Variants in DLG2 observed in about 807,000 individuals in gnomAD.
DLG2 encodes discs large MAGUK scaffold protein 2.
Under a neutral mutation model 132.5 loss-of-function variants are expected in DLG2, and 45 were observed. The observed-to-expected ratio is 0.34, with a 90% confidence interval of 0.27 to 0.44. DLG2 has a LOEUF of 0.44. DLG2 is among the 20% of genes least tolerant of loss of function. The pLI is 1.00. For synonymous variants in DLG2, 424 were observed against 419.6 expected, an observed-to-expected ratio of 1.01 and a Z score of -0.13; for missense variants, 1,045 against 1,196.9, an observed-to-expected ratio of 0.87 and a Z score of 1.87.
chr11:85,461,653 TTATCTCTAC>T (rs2092618648), intron 3 of DLG2, among the ~76,000 whole-genome samples: 1 of 152,200 alleles, frequency 6.6e-6, no homozygotes, highest in Admixed American at 6.5e-5. Flanking sequence ...TTTATCTTTA[TTATCTCTAC>T]TATCTTCACT....
intron 7 of DLG2, among the ~76,000 whole-genome samples, chr11:84,362,032 T>A (rs2098652609): frequency 6.6e-6 from 1 of 151,970 alleles, no homozygotes; most frequent in African/African-American, 2.4e-5. Context: ...ATAACATATT[T>A]AAATTTTAGC....
At chr11:84,558,059 T>C (rs1468031667) in intron 6 of DLG2, among the ~76,000 whole-genome samples, 1 of 152,200 alleles carries the variant, frequency 6.6e-6, no homozygotes, top group Non-Finnish European at 1.5e-5. Context: ...GATTTATAGA[T>C]ACATTATATG....
intron 7 of DLG2, among the ~76,000 whole-genome samples, chr11:84,271,657 C>A (rs1266721838): frequency 2.0e-5 from 3 of 152,146 alleles, no homozygotes; most frequent in Non-Finnish European, 4.4e-5. Flanking sequence ...GTGCTAGACA[C>A]TGGGAATAGA....
intron 6 of DLG2, among the ~76,000 whole-genome samples, chr11:84,656,811 GA>G (rs912166949): frequency 2.0e-5 from 3 of 151,948 alleles, no homozygotes; most frequent in Non-Finnish European, 2.9e-5. Context: ...ATAGGGAGTG[GA>G]AAAAAATGCA....
rs1379258574 is a variant in DLG2 at position 85,492,446 on chromosome 11, A to T, written c.40+106211T>A. ...GATATACCATGGTTTTCTAAAAAAA[A>T]CTGCAGTGTAAACTTTCACATTCAA... On this transcript the variant is annotated intron_variant, in intron 3 of 27. Transcript: ENST00000376104. Among the ~76,000 whole-genome samples the T allele has an allele frequency of 2.0e-5, 3 of 152,156 alleles. No homozygotes were observed. In the East Asian group the frequency reaches 5.8e-4, roughly 29 times the overall value.
intron 7 of DLG2, among the ~76,000 whole-genome samples, chr11:84,260,499 C>A (rs1389117947): frequency 6.6e-6 from 1 of 152,192 alleles, no homozygotes; most frequent in Non-Finnish European, 1.5e-5. Context: ...TATCAACCAC[C>A]AATGTCATGC....
chr11:85,349,356 C>G (rs571878222), intron 3 of DLG2, among the ~76,000 whole-genome samples: 2 of 152,132 alleles, frequency 1.3e-5, no homozygotes, highest in South Asian at 2.1e-4. Context: ...TACCTGTTAC[C>G]TCATTATTTA....
At chr11:84,009,234 T>G (rs1239799191) in intron 11 of DLG2, among the ~76,000 whole-genome samples, 1 of 151,962 alleles carries the variant, frequency 6.6e-6, no homozygotes, top group African/African-American at 2.4e-5. Context: ...TTCGAAATGT[T>G]AAGATATAAA....
In DLG2 at chr11:85,238,055, A is replaced by G. The variant is rs564243143; in HGVS notation, c.186+47165T>C. On this transcript the variant is annotated intron_variant, in intron 4 of 27. Coordinates refer to ENST00000376104, the MANE Select transcript of DLG2 (RefSeq NM_001142699.3). Reference sequence around the variant, plus strand: ...TCTTTGTGGATTTTTTTTCCAGAATAGGGCAGGTTTGTCCGCATTAAAAAC... The same window carrying G: ...TCTTTGTGGATTTTTTTTCCAGAATGGGGCAGGTTTGTCCGCATTAAAAAC... Among the ~76,000 whole-genome samples, 317 of 152,018 alleles carry G rather than the reference A, an allele frequency of 2.1e-3. 1 individual carries two copies. Among genetic ancestry groups the G allele is most frequent in the African/African-American group, 7.2e-3 (298 of 41,526 alleles).
chr11:85,304,308 G>A (rs1389754123), intron 3 of DLG2, among the ~76,000 whole-genome samples: 3 of 152,108 alleles, frequency 2.0e-5, no homozygotes, highest in African/African-American at 4.8e-5. Context: ...TGCTTGCAAG[G>A]AGCCTGCAGT....
At chr11:83,832,121 G>T (rs2054706347) in intron 17 of DLG2, among the ~76,000 whole-genome samples, 1 of 152,198 alleles carries the variant, frequency 6.6e-6, no homozygotes, top group Non-Finnish European at 1.5e-5. Flanking sequence ...CAGAGTGATT[G>T]TGAGAAGAAT....
At chr11:84,887,823 CGAT>C (rs34616018) in intron 6 of DLG2, among the ~76,000 whole-genome samples, 16,488 of 152,062 alleles carry the variant, frequency 0.11, 1,280 homozygotes, top group African/African-American at 0.22. Flanking sequence ...AAGAGACTAT[CGAT>C]TCCCTGAGCT....
In DLG2 at chr11:85,311,927, A is replaced by ATTTTTTGG. The variant is rs1287944962; in HGVS notation, c.41-26563_41-26562insCCAAAAAA. On this transcript the variant is annotated intron_variant, in intron 3 of 27. Coordinates refer to ENST00000376104, the MANE Select transcript of DLG2 (RefSeq NM_001142699.3). ...GCTGCCAAGAACCACAAAATACCAAATATCTTTATTGGTCTCTAGTTACAT... is the reference window on the plus strand; with the variant it reads ...GCTGCCAAGAACCACAAAATACCAAATTTTTTGGTATCTTTATTGGTCTCTAGTTACAT... 5.3e-5 allele frequency among the ~76,000 whole-genome samples: 8 copies of ATTTTTTGG among 152,128 alleles called. No individual in the cohort carries two copies. In the East Asian group the frequency reaches 1.5e-3, roughly 29 times the overall value.
intron 6 of DLG2, among the ~76,000 whole-genome samples, chr11:85,012,328 C>T (rs2059206633): frequency 1.3e-5 from 1 of 75,832 alleles, no homozygotes; most frequent in Admixed American, 1.2e-4. Flanking sequence ...AGATCGAGAC[C>T]ATCCTGGCTA....
At chr11:85,526,021 C>A (rs886874658) in intron 3 of DLG2, among the ~76,000 whole-genome samples, 3 of 152,150 alleles carry the variant, frequency 2.0e-5, no homozygotes, top group African/African-American at 7.2e-5. Flanking sequence ...TGACACAGAT[C>A]TAGGAATATT....
chr11:84,540,005 G>A lies in DLG2; in HGVS notation c.358-5274C>T, dbSNP rs143496133. ...CTAGCCATATATAGAAAGCTGAAAC[G>A]GGAATCCTTCCTTACATCTTATACC... On this transcript the variant is annotated intron_variant, in intron 6 of 27. Transcript: ENST00000376104. 1.2e-4 allele frequency among the ~76,000 whole-genome samples: 18 copies of A among 152,122 alleles called. No homozygotes were observed. In the East Asian group the frequency reaches 2.3e-3, roughly 20 times the overall value.
At chr11:83,763,170 A>ACTTT (rs2093986191) in intron 18 of DLG2, among the ~76,000 whole-genome samples, 1 of 152,200 alleles carries the variant, frequency 6.6e-6, no homozygotes, top group Non-Finnish European at 1.5e-5. Flanking sequence ...ACTGAAATTA[A>ACTTT]GAATTTTTTT....
chr11:85,028,242 G>A (rs1321568791), intron 6 of DLG2, among the ~76,000 whole-genome samples: 2 of 152,206 alleles, frequency 1.3e-5, no homozygotes, highest in Non-Finnish European at 2.9e-5. Flanking sequence ...GTCTGGCTGA[G>A]TCTGGGGTTT....
chr11:85,002,993 T>C (rs1419428714), intron 6 of DLG2, among the ~76,000 whole-genome samples: 2 of 152,090 alleles, frequency 1.3e-5, no homozygotes, highest in Non-Finnish European at 2.9e-5. Context: ...TTACAAAATA[T>C]TGTTAATATA....
Sources: allele counts gnomAD v4.1 joint callset (sites outside exome capture counted in the v4.1 genomes callset), GRCh38; gene constraint gnomAD v4.1.1; transcripts MANE v1.5; gene names NCBI Gene and HGNC (gene_info 2026-07-23, HGNC 2026-07-21).